The following DENND1A variants were observed in gnomAD, a reference collection of about 807,000 sequenced individuals.
The protein encoded by DENND1A is DENN domain containing 1A, also known as DENN domain-containing protein 1A.
Under a neutral mutation model 113.7 loss-of-function variants are expected in DENND1A, and 51 were observed. The ratio of observed to expected loss-of-function variants is 0.45; its 90% CI spans 0.36 to 0.57. DENND1A has a LOEUF of 0.57. Among genes scored for constraint, DENND1A ranks in the 20% least tolerant of loss-of-function variants. DENND1A has a pLI of 0.00. For synonymous variants in DENND1A, 565 were observed against 570.8 expected (o/e 0.99, Z 0.14); for missense variants, 1,258 against 1,395.9 (o/e 0.90, Z 1.57).
rs186592009 is a variant in DENND1A at position 123,860,460 on chromosome 9, T to C, written c.88+18491A>G. Reference sequence around the variant, plus strand: ...ATAGAACAGCTGACATCAGATCTCTTATGCTTTAAGCAAAAACTAACACTC... The same window carrying C: ...ATAGAACAGCTGACATCAGATCTCTCATGCTTTAAGCAAAAACTAACACTC... On this transcript the variant is annotated intron_variant, in intron 2 of 23. Coordinates refer to ENST00000394215, the MANE Select transcript of DENND1A (RefSeq NM_001352964.2). 1.1e-4 allele frequency among the ~76,000 whole-genome samples: 16 copies of C among 152,352 alleles called. No individual in the cohort carries two copies. In the East Asian group the frequency reaches 2.9e-3, roughly 28 times the overall value.
chr9:123,853,151 C>A (rs930104699), intron 2 of DENND1A, among the ~76,000 whole-genome samples: 1 of 150,414 alleles, frequency 6.6e-6, no homozygotes, highest in Non-Finnish European at 1.5e-5. Flanking sequence ...AACTTCTGAC[C>A]TCATGATCCG....
chr9:123,852,651 C>T (rs555138493), intron 2 of DENND1A, among the ~76,000 whole-genome samples: 10 of 152,252 alleles, frequency 6.6e-5, no homozygotes, highest in African/African-American at 2.2e-4. Flanking sequence ...TGCACTTATG[C>T]GACGGGCCTC....
intron 13 of DENND1A, among the ~76,000 whole-genome samples, chr9:123,488,814 G>A (rs16926536): frequency 0.031 from 4,705 of 152,196 alleles, 248 homozygotes; most frequent in African/African-American, 0.11. Flanking sequence ...CATGCGGTGC[G>A]CTTGAAAACA....
At chr9:123,645,552 A>C (rs2062271538) in intron 9 of DENND1A, among the ~76,000 whole-genome samples, 1 of 152,218 alleles carries the variant, frequency 6.6e-6, no homozygotes, top group South Asian at 2.1e-4. Flanking sequence ...CTGCTCAGCT[A>C]CGTCATCCCC....
At chr9:123,867,617 C>T (rs1051210801) in intron 2 of DENND1A, among the ~76,000 whole-genome samples, 1 of 152,154 alleles carries the variant, frequency 6.6e-6, no homozygotes, top group Non-Finnish European at 1.5e-5. Context: ...GCCCAGCATC[C>T]GTTCTCCCTT....
intron 2 of DENND1A, among the ~76,000 whole-genome samples, chr9:123,825,242 T>G (rs1419354623): frequency 6.6e-6 from 1 of 150,812 alleles, no homozygotes; most frequent in Non-Finnish European, 1.5e-5. Flanking sequence ...AAGTAAAACA[T>G]AAGCACAATC....
rs376804456 is a variant in DENND1A, at chr9:123,800,626, T to C, written c.89-7996A>G. Among the ~76,000 whole-genome samples the C allele has an allele frequency of 6.0e-4, 91 of 152,268 alleles. No homozygotes were observed. The South Asian group carries it at 0.018, about 31-fold the overall frequency. On this transcript the variant is annotated intron_variant, in intron 2 of 23. Transcript: ENST00000394215. ...AACAATAAGAATACATCTGGACAAA[T>C]AACTACAACATGTTTTCATGAAACA... is the stretch of plus-strand genomic sequence containing the variant.
At chr9:123,399,336 T>C (rs1378709515) in intron 21 of DENND1A, among the ~76,000 whole-genome samples, 1 of 152,164 alleles carries the variant, frequency 6.6e-6, no homozygotes, top group African/African-American at 2.4e-5. Flanking sequence ...GTCTGTTCAA[T>C]GGGAAAGCTA....
At chr9:123,490,344 C>T (rs77568959) in intron 13 of DENND1A, among the ~76,000 whole-genome samples, 7,735 of 152,098 alleles carry the variant, frequency 0.051, 641 homozygotes, top group African/African-American at 0.18. Context: ...CCAGCACAGT[C>T]GGAGGCGGAG....
intron 13 of DENND1A, among the ~76,000 whole-genome samples, chr9:123,470,504 G>A (rs2049319497): frequency 6.6e-6 from 1 of 152,194 alleles, no homozygotes; most frequent in African/African-American, 2.4e-5. Context: ...ACGGTTTGAG[G>A]AAGTGCACTG....
chr9:123,449,602 A>T (rs1337972468), intron 18 of DENND1A, among the ~76,000 whole-genome samples: 1 of 152,130 alleles, frequency 6.6e-6, no homozygotes, highest in Non-Finnish European at 1.5e-5. Flanking sequence ...ATAATAATAT[A>T]AAAAAGCCCT....
chr9:123,925,785 C>G (rs115539808), intron 1 of DENND1A, among the ~76,000 whole-genome samples: 3 of 152,214 alleles, frequency 2.0e-5, no homozygotes, highest in African/African-American at 7.2e-5. Context: ...GACAGGTATA[C>G]AGGCTAATGT....
chr9:123,859,038 A>G (rs1318082045), intron 2 of DENND1A, among the ~76,000 whole-genome samples: 4 of 152,204 alleles, frequency 2.6e-5, no homozygotes, highest in Non-Finnish European at 1.5e-5. Context: ...GTTCTTGAGA[A>G]CCAATCCAGG....
At chr9:123,737,729 G>T (rs185200742) in intron 5 of DENND1A, among the ~76,000 whole-genome samples, 1 of 152,226 alleles carries the variant, frequency 6.6e-6, no homozygotes. Flanking sequence ...CTTCAAAGGG[G>T]GTAGACAAGA....
chr9:123,548,360 C>T (rs1219277764), intron 13 of DENND1A, among the ~76,000 whole-genome samples: 1 of 152,196 alleles, frequency 6.6e-6, no homozygotes, highest in Non-Finnish European at 1.5e-5. Context: ...GCTATAATTC[C>T]TTATCCACTT....
In DENND1A at chr9:123,416,539, C is replaced by T. The variant is rs957949213; in HGVS notation, c.1489-4710G>A. Among the ~76,000 whole-genome samples, 6 of 152,338 alleles carry T rather than the reference C, an allele frequency of 3.9e-5. No homozygotes were observed. In the South Asian group the frequency reaches 1.2e-3, roughly 32 times the overall value. ...TCATGTTATATGTGATCCTCTGTCC[C>T]CTGGCCGGGTTGAAATGTGGCTACA... On this transcript the variant is annotated intron_variant, in intron 19 of 23. Coordinates refer to ENST00000394215, the MANE Select transcript of DENND1A (RefSeq NM_001352964.2).
At chr9:123,826,264 G>A (rs1268213183) in intron 2 of DENND1A, among the ~76,000 whole-genome samples, 2 of 152,052 alleles carry the variant, frequency 1.3e-5, no homozygotes, top group Non-Finnish European at 1.5e-5. Flanking sequence ...TTAGCCAGGT[G>A]CAGTGGTTTG....
intron 18 of DENND1A, among the ~76,000 whole-genome samples, chr9:123,449,205 G>C (rs1302336443): frequency 6.6e-6 from 1 of 152,146 alleles, no homozygotes; most frequent in Non-Finnish European, 1.5e-5. Context: ...AAGTGTGAAA[G>C]CTCCTAGTCT....
At chr9:123,476,966 T>C (rs540974187) in intron 13 of DENND1A, among the ~76,000 whole-genome samples, 7 of 152,282 alleles carry the variant, frequency 4.6e-5, no homozygotes, top group East Asian at 1.9e-4. Context: ...ATGCCCCAGA[T>C]AGAACCTTCC....
Sources: gnomAD v4.1 joint callset for allele counts (sites outside exome capture counted in the v4.1 genomes callset) on GRCh38, gnomAD v4.1.1 for gene constraint, MANE v1.5 for transcripts, NCBI Gene and HGNC (gene_info 2026-07-23, HGNC 2026-07-21) for gene names.